Variants in GABRG3 observed in about 807,000 individuals in gnomAD.
GABRG3 encodes gamma-aminobutyric acid receptor subunit gamma-3.
A neutral mutation model predicts 48.8 loss-of-function variants in GABRG3; 25 were observed. The observed-to-expected ratio is 0.51, with a 90% CI of 0.37 to 0.72. GABRG3 has a LOEUF of 0.72. Among genes scored for constraint, GABRG3 ranks in the 30% least tolerant of loss-of-function variants. The probability of loss-of-function intolerance (pLI) is 0.00; values close to 1 mark genes in which losing one functional copy is unlikely to be tolerated. For synonymous variants in GABRG3, 227 were observed against 217.6 expected (o/e 1.04, Z -0.38); for missense variants, 394 against 577.9 (o/e 0.68, Z 3.26).
At chr15:27,294,689 AGGGT>A (rs548208151) in intron 3 of GABRG3, among the ~76,000 whole-genome samples, 113 of 152,196 alleles carry the variant, frequency 7.4e-4, no homozygotes, top group African/African-American at 2.4e-3. Context: ...AGCACTGTGG[AGGGT>A]GAGGCACAGC....
chr15:26,991,844 C>T (rs1240429107), intron 2 of GABRG3, among the ~76,000 whole-genome samples: 14 of 152,102 alleles, frequency 9.2e-5, no homozygotes, highest in Non-Finnish European at 1.8e-4. Flanking sequence ...CCTCAGCCTC[C>T]TGAGTAGCTG....
chr15:27,271,563 G>T (rs1198393463), intron 3 of GABRG3: 2 of 455,326 alleles, frequency 4.4e-6, no homozygotes, highest in Non-Finnish European at 8.8e-6. Context: ...GAGGGGTACA[G>T]AAGAGGATGG....
At chr15:27,183,645 A>G (rs1888003058) in intron 3 of GABRG3, among the ~76,000 whole-genome samples, 1 of 152,244 alleles carries the variant, frequency 6.6e-6, no homozygotes, top group Non-Finnish European at 1.5e-5. Flanking sequence ...GAAGTAATGC[A>G]CAAGCATACA....
chr15:27,228,598 G>A (rs1315581917), intron 3 of GABRG3, among the ~76,000 whole-genome samples: 4 of 152,292 alleles, frequency 2.6e-5, no homozygotes, highest in East Asian at 3.9e-4. Flanking sequence ...GGATTGCTGC[G>A]TTGAATGGTC....
chr15:27,028,950 C>T (rs958690808), intron 3 of GABRG3, among the ~76,000 whole-genome samples: 48 of 152,122 alleles, frequency 3.2e-4, no homozygotes, highest in Admixed American at 2.8e-3. Context: ...GGGTGAGAAA[C>T]GACCTTAGAA....
chr15:27,114,039 T>C (rs184116920), intron 3 of GABRG3, among the ~76,000 whole-genome samples: 59 of 152,364 alleles, frequency 3.9e-4, no homozygotes, highest in Non-Finnish European at 7.8e-4. Flanking sequence ...CTAAACCTTA[T>C]TCTTTCTTAT....
intron 3 of GABRG3, among the ~76,000 whole-genome samples, chr15:27,314,144 G>C (rs1405186427): frequency 6.6e-6 from 1 of 152,062 alleles, no homozygotes. Flanking sequence ...AAACCAATAA[G>C]CTTTTGCACA....
chr15:26,996,898 C>T (rs1191487798), intron 2 of GABRG3, among the ~76,000 whole-genome samples: 5 of 152,028 alleles, frequency 3.3e-5, no homozygotes, highest in Admixed American at 1.3e-4. Flanking sequence ...GTGATCAGCC[C>T]TCCTCGGCCT....
intron 6 of GABRG3, among the ~76,000 whole-genome samples, chr15:27,501,172 C>T (rs1009474986): frequency 2.0e-5 from 3 of 152,060 alleles, no homozygotes; most frequent in Admixed American, 6.5e-5. Flanking sequence ...AGGATGGTCT[C>T]GATCTCCTGA....
At chr15:27,111,890 T>C (rs1595531237) in intron 3 of GABRG3, among the ~76,000 whole-genome samples, 1 of 152,188 alleles carries the variant, frequency 6.6e-6, no homozygotes, top group African/African-American at 2.4e-5. Flanking sequence ...AGTTCAGCTC[T>C]TGCAAAGTGA....
At chr15:27,062,434 T>TAAAAAAAAAAA (rs57903886) in intron 3 of GABRG3, among the ~76,000 whole-genome samples, 21 of 32,866 alleles carry the variant, frequency 6.4e-4, no homozygotes, top group Admixed American at 9.4e-4. Context: ...CCATCTCTAC[T>TAAAAAAAAAAA]AAAAAAAAAA....
intron 2 of GABRG3, among the ~76,000 whole-genome samples, chr15:27,015,848 G>A (rs1280787750): frequency 6.6e-6 from 1 of 151,936 alleles, no homozygotes; most frequent in Non-Finnish European, 1.5e-5. Flanking sequence ...TTCTGCTGTT[G>A]ATTTCTTGTT....
intron 5 of GABRG3, among the ~76,000 whole-genome samples, chr15:27,408,874 T>C (rs1434837474): frequency 6.6e-6 from 1 of 152,222 alleles, no homozygotes. Context: ...GTGCAGTGAT[T>C]TTTTGCCCCA....
At chr15:27,265,302 C>T (rs945942637) in intron 3 of GABRG3, among the ~76,000 whole-genome samples, 5 of 152,078 alleles carry the variant, frequency 3.3e-5, no homozygotes, top group South Asian at 2.1e-4. Flanking sequence ...GAAAATGAAA[C>T]GCAAAAACAA....
At chr15:27,251,161 A>G (rs1367777713) in intron 3 of GABRG3, among the ~76,000 whole-genome samples, 1 of 152,140 alleles carries the variant, frequency 6.6e-6, no homozygotes, top group Non-Finnish European at 1.5e-5. Flanking sequence ...GCTGTTTTCG[A>G]AAGTTCCCCT....
intron 3 of GABRG3, among the ~76,000 whole-genome samples, chr15:27,028,205 A>G (rs1181178353): frequency 6.6e-6 from 1 of 152,170 alleles, no homozygotes; most frequent in Non-Finnish European, 1.5e-5. Flanking sequence ...CAGGAGTGGA[A>G]GGGACTTCTC....
chr15:27,120,744 G>A (rs1312077029), intron 3 of GABRG3, among the ~76,000 whole-genome samples: 1 of 152,036 alleles, frequency 6.6e-6, no homozygotes, highest in African/African-American at 2.4e-5. Flanking sequence ...TTATCACAAG[G>A]TTGACTTACA....
At chr15:27,101,702 C>T (rs1200250853) in intron 3 of GABRG3, among the ~76,000 whole-genome samples, 1 of 152,036 alleles carries the variant, frequency 6.6e-6, no homozygotes, top group Non-Finnish European at 1.5e-5. Context: ...AACAACTGGG[C>T]ATCCATAGAC....
chr15:27,440,079 A>T (rs1439045340), intron 5 of GABRG3, among the ~76,000 whole-genome samples: 1 of 152,130 alleles, frequency 6.6e-6, no homozygotes, highest in South Asian at 2.1e-4. Context: ...CATCCTGGGC[A>T]TCTGCACACA....
Sources: allele counts gnomAD v4.1 joint callset (sites outside exome capture counted in the v4.1 genomes callset), GRCh38; gene constraint gnomAD v4.1.1; transcripts MANE v1.5; gene names NCBI Gene and HGNC (gene_info 2026-07-23, HGNC 2026-07-21).